Variants in LSAMP observed in about 807,000 individuals in gnomAD.
LSAMP encodes limbic system-associated membrane protein.
A neutral mutation model predicts 38.6 loss-of-function variants in LSAMP; 7 were observed. That is an observed-to-expected ratio of 0.18 (90% CI 0.10 to 0.34). LSAMP has a LOEUF of 0.34. LSAMP is among the 10% of genes least tolerant of loss of function. The probability of loss-of-function intolerance (pLI) is 1.00; values close to 1 mark genes in which losing one functional copy is unlikely to be tolerated. For missense variants in LSAMP, 313 were observed against 420.0 expected, an observed-to-expected ratio of 0.75 and a Z score of 2.23; for synonymous variants, 154 against 166.8, an observed-to-expected ratio of 0.92 and a Z score of 0.59.
intron 1 of LSAMP, among the ~76,000 whole-genome samples, chr3:116,351,899 C>T (rs1269807457): frequency 6.6e-6 from 1 of 152,026 alleles, no homozygotes; most frequent in Non-Finnish European, 1.5e-5. Context: ...TCAACTAACT[C>T]CTTATTTCAA....
chr3:115,921,515 A>G (rs1937382480), intron 3 of LSAMP, among the ~76,000 whole-genome samples: 2 of 152,038 alleles, frequency 1.3e-5, no homozygotes, highest in African/African-American at 2.4e-5. Context: ...TTATTCATTA[A>G]TGTATTTTTA....
intron 2 of LSAMP, among the ~76,000 whole-genome samples, chr3:116,068,544 A>C (rs558295504): frequency 1.3e-5 from 2 of 152,346 alleles, no homozygotes; most frequent in East Asian, 1.9e-4. Flanking sequence ...TCAGTTGGGC[A>C]ATGTTTATTA....
At chr3:116,110,981 T>TGGGCAG (rs1708598835) in intron 1 of LSAMP, among the ~76,000 whole-genome samples, 2 of 144,334 alleles carry the variant, frequency 1.4e-5, no homozygotes, top group South Asian at 4.7e-4. Flanking sequence ...GGTTCTCTGG[T>TGGGCAG]GGGCAGGGGC....
At chr3:116,276,310 T>C (rs1197445136) in intron 1 of LSAMP, among the ~76,000 whole-genome samples, 1 of 152,224 alleles carries the variant, frequency 6.6e-6, no homozygotes, top group African/African-American at 2.4e-5. Flanking sequence ...AAGATCAGTC[T>C]TTGCACAATT....
At chr3:115,826,582 T>C (rs1004138592) in intron 6 of LSAMP, among the ~76,000 whole-genome samples, 6 of 152,214 alleles carry the variant, frequency 3.9e-5, no homozygotes, top group Non-Finnish European at 5.9e-5. Context: ...GTAAACCCTC[T>C]TAGTGCAGAG....
chr3:115,823,111 T>G lies in LSAMP; in HGVS notation c.920-12697A>C, dbSNP rs186486257. Reference sequence around the variant, plus strand: ...AGAATGTGAAAAAATGCTTAAATTGTCATTGGATTAAAAAGAACACATCTA... The same window carrying G: ...AGAATGTGAAAAAATGCTTAAATTGGCATTGGATTAAAAAGAACACATCTA... On this transcript the variant is annotated intron_variant, in intron 6 of 6. Transcript: ENST00000490035. Among the ~76,000 whole-genome samples the G allele has an allele frequency of 3.7e-3, 565 of 152,332 alleles. 5 individuals carry two copies. The highest frequency in any genetic ancestry group is 0.012 in the African/African-American group (515 of 41,570).
At chr3:115,871,360 A>G (rs1021817996) in intron 3 of LSAMP, among the ~76,000 whole-genome samples, 7 of 152,110 alleles carry the variant, frequency 4.6e-5, no homozygotes, top group African/African-American at 1.7e-4. Flanking sequence ...AAAAATGGCT[A>G]CAGGGAATCA....
At chr3:115,958,489 G>T (rs1293915905) in intron 3 of LSAMP, among the ~76,000 whole-genome samples, 6 of 152,056 alleles carry the variant, frequency 3.9e-5, no homozygotes, top group African/African-American at 7.2e-5. Context: ...TCTTCAGTTT[G>T]CTCAGACATT....
intron 1 of LSAMP, among the ~76,000 whole-genome samples, chr3:116,300,719 C>T (rs2047395558): frequency 6.6e-6 from 1 of 152,132 alleles, no homozygotes; most frequent in South Asian, 2.1e-4. Flanking sequence ...AAACCACTCC[C>T]CCTACCCCAG....
chr3:115,918,789 C>G (rs1937315398), intron 3 of LSAMP, among the ~76,000 whole-genome samples: 1 of 147,186 alleles, frequency 6.8e-6, no homozygotes, highest in Admixed American at 6.9e-5. Context: ...CTCAAAAAGA[C>G]TTTGGAATGA....
chr3:116,317,946 G>A (rs899737723), intron 1 of LSAMP, among the ~76,000 whole-genome samples: 1 of 151,462 alleles, frequency 6.6e-6, no homozygotes, highest in Non-Finnish European at 1.5e-5. Context: ...GACCAGCCTG[G>A]CCAACATGGT....
chr3:116,407,994 A>G (rs2107834841), intron 1 of LSAMP, among the ~76,000 whole-genome samples: 1 of 152,182 alleles, frequency 6.6e-6, no homozygotes, highest in South Asian at 2.1e-4. Flanking sequence ...GCCTAATGTA[A>G]GCTTATTAAG....
rs1707511648 is a variant in LSAMP, at chr3:116,068,366, C to T, written c.388+17958G>A. On this transcript the variant is annotated intron_variant, in intron 2 of 6. Coordinates refer to ENST00000490035, the MANE Select transcript of LSAMP (RefSeq NM_002338.5). ...GTTATATCCATTCCTATTCTTCTTC[C>T]TTGGAACAATTTAAAATGCTCTCAT... Among the ~76,000 whole-genome samples the T allele has an allele frequency of 2.0e-5, 3 of 152,078 alleles. No individual in the cohort carries two copies. The South Asian group carries it at 6.2e-4, about 32-fold the overall frequency.
At chr3:116,157,489 A>C (rs920993338) in intron 1 of LSAMP, among the ~76,000 whole-genome samples, 1 of 152,060 alleles carries the variant, frequency 6.6e-6, no homozygotes, top group African/African-American at 2.4e-5. Flanking sequence ...TGTGGTAATT[A>C]CTCTCCTTAT....
At chr3:116,384,162 T>C (rs932002738) in intron 1 of LSAMP, among the ~76,000 whole-genome samples, 4 of 152,106 alleles carry the variant, frequency 2.6e-5, no homozygotes, top group Non-Finnish European at 5.9e-5. Flanking sequence ...TAAAATGACA[T>C]GTTAAGCAAT....
chr3:115,948,824 A>G (rs1244853270), intron 3 of LSAMP, among the ~76,000 whole-genome samples: 3 of 152,164 alleles, frequency 2.0e-5, no homozygotes. Flanking sequence ...ATACCAAATA[A>G]TAATAGTAAT....
At chr3:115,844,527 TA>T (rs1935095610) in intron 4 of LSAMP, among the ~76,000 whole-genome samples, 2 of 152,096 alleles carry the variant, frequency 1.3e-5, no homozygotes, top group South Asian at 4.1e-4. Flanking sequence ...GTGGGGGAGA[TA>T]TTAATAAAGG....
chr3:116,031,174 T>C (rs1243146466), intron 2 of LSAMP, among the ~76,000 whole-genome samples: 1 of 151,842 alleles, frequency 6.6e-6, no homozygotes, highest in Non-Finnish European at 1.5e-5. Flanking sequence ...GAATAGAAAA[T>C]AGAAGTATAA....
intron 1 of LSAMP, among the ~76,000 whole-genome samples, chr3:116,280,907 G>T (rs575696950): frequency 2.0e-5 from 3 of 151,978 alleles, no homozygotes; most frequent in Non-Finnish European, 4.4e-5. Context: ...ATGAGTAAAA[G>T]AAATGATTCT....
Sources: gnomAD v4.1 joint callset for allele counts (sites outside exome capture counted in the v4.1 genomes callset) on GRCh38, gnomAD v4.1.1 for gene constraint, MANE v1.5 for transcripts, NCBI Gene and HGNC (gene_info 2026-07-23, HGNC 2026-07-21) for gene names.